COL24A1: variants seen among roughly 807,000 people sequenced by gnomAD.
The protein encoded by COL24A1 is collagen alpha-1(XXIV) chain.
A neutral mutation model predicts 253.9 loss-of-function variants in COL24A1; 224 were observed. That is an observed-to-expected ratio of 0.88 (90% CI 0.79 to 0.99). COL24A1 has a LOEUF of 0.99. Among genes scored for constraint, COL24A1 ranks in the 50% least tolerant of loss-of-function variants. The probability of loss-of-function intolerance (pLI) is 0.00; values close to 1 mark genes in which losing one functional copy is unlikely to be tolerated. For synonymous variants in COL24A1, 685 were observed against 673.7 expected (o/e 1.02, Z -0.26); for missense variants, 2,131 against 2,068.5 (o/e 1.03, Z -0.59).
At chr1:85,859,299 TG>T (rs1412465269) in intron 37 of COL24A1, among the ~76,000 whole-genome samples, 1 of 152,202 alleles carries the variant, frequency 6.6e-6, no homozygotes, top group African/African-American at 2.4e-5. Context: ...GGTATTCACT[TG>T]TAAGAAAATA....
chr1:85,945,018 T>TTTTTTTTTTTTTTTTG (rs1689173945), intron 24 of COL24A1, among the ~76,000 whole-genome samples: 6 of 86,846 alleles, frequency 6.9e-5, no homozygotes, highest in Middle Eastern at 5.8e-3. Context: ...TTTTTTTTTT[T>TTTTTTTTTTTTTTTTG]TTTTTTTTTT....
intron 47 of COL24A1, among the ~76,000 whole-genome samples, chr1:85,805,306 C>A (rs977119961): frequency 3.3e-5 from 5 of 152,006 alleles, no homozygotes; most frequent in African/African-American, 4.8e-5. Flanking sequence ...ATAAATGAAT[C>A]TAAGGAAAGA....
chr1:85,971,219 T>C, intron 21 of COL24A1, 121 bp downstream of exon 21: 1 of 755,214 alleles, frequency 1.3e-6, no homozygotes, highest in Non-Finnish European at 2.2e-6. Context: ...AATATATAAA[T>C]AAAATGGTAA....
intron 24 of COL24A1, among the ~76,000 whole-genome samples, chr1:85,916,894 A>G (rs2102976679): frequency 6.6e-6 from 1 of 152,336 alleles, no homozygotes; most frequent in African/African-American, 2.4e-5. Flanking sequence ...CAGCACTTCT[A>G]GTTGTTCACA....
At chr1:86,068,774 A>T (rs925696869) in intron 7 of COL24A1, among the ~76,000 whole-genome samples, 27 of 152,062 alleles carry the variant, frequency 1.8e-4, no homozygotes, top group African/African-American at 6.5e-4. Context: ...GGCATCTTGG[A>T]TACCAGCTCA....
At chr1:85,781,412 T>C (rs911092566) in intron 51 of COL24A1, 139 bp from the exon 52 acceptor site, 5 of 502,032 alleles carry the variant, frequency 1.0e-5, no homozygotes, top group Non-Finnish European at 3.4e-6. Flanking sequence ...AGTATTAGCA[T>C]AAATTACAAT....
intron 19 of COL24A1, among the ~76,000 whole-genome samples, chr1:86,000,885 C>T (rs1695326265): frequency 2.0e-5 from 3 of 152,080 alleles, no homozygotes; most frequent in Non-Finnish European, 2.9e-5. Context: ...ACATTCCAAC[C>T]ATCCTGCTAC....
At chr1:85,957,424 A>C (rs1223257105) in intron 24 of COL24A1, among the ~76,000 whole-genome samples, 1 of 152,208 alleles carries the variant, frequency 6.6e-6, no homozygotes, top group East Asian at 1.9e-4. Context: ...TGAGAGGAAG[A>C]CTAGAAACAT....
intron 2 of COL24A1, among the ~76,000 whole-genome samples, chr1:86,144,928 T>A (rs980779208): frequency 6.6e-6 from 1 of 152,056 alleles, no homozygotes; most frequent in Non-Finnish European, 1.5e-5. Context: ...GAGAGAGAGT[T>A]TTTCTCCTCT....
chr1:85,873,126 C>T (rs1394047669), intron 35 of COL24A1, among the ~76,000 whole-genome samples: 1 of 152,136 alleles, frequency 6.6e-6, no homozygotes, highest in Non-Finnish European at 1.5e-5. Context: ...AAATCAAAAC[C>T]ACAATGAGAT....
intron 24 of COL24A1, among the ~76,000 whole-genome samples, chr1:85,945,019 T>TTGTTTTG (rs1553237049): frequency 1.4e-5 from 1 of 73,362 alleles, no homozygotes; most frequent in East Asian, 6.0e-4. Context: ...TTTTTTTTTT[T>TTGTTTTG]TTTTTTTTTT....
intron 53 of COL24A1, among the ~76,000 whole-genome samples, chr1:85,763,967 T>C (rs1667102211): frequency 1.3e-5 from 2 of 152,236 alleles, no homozygotes; most frequent in South Asian, 2.1e-4. Context: ...TAAAAATACG[T>C]GTAAGTGCAT....
At chr1:85,982,202 G>T (rs80255601) in intron 20 of COL24A1, among the ~76,000 whole-genome samples, 2,188 of 152,156 alleles carry the variant, frequency 0.014, 27 homozygotes, top group Non-Finnish European at 0.023. Context: ...ATCTATAGGC[G>T]GTATGTAAAG....
rs1247388506 is a variant in COL24A1, at chr1:85,827,246, T to G, written c.3682-3508A>C. On this transcript the variant is annotated intron_variant, in intron 43 of 59. Transcript: ENST00000370571. ...ATTACATTTATTGAATTGCGTATATTGAACCAGCCTTGCATCCCAGGGATG... is the reference window on the plus strand; with the variant it reads ...ATTACATTTATTGAATTGCGTATATGGAACCAGCCTTGCATCCCAGGGATG... Among the ~76,000 whole-genome samples, 5 of 151,804 alleles carry G rather than the reference T, an allele frequency of 3.3e-5. 1 individual carries two copies. In the Middle Eastern group the frequency reaches 9.5e-3, roughly 288 times the overall value.
Position 85,868,503 on chromosome 1 carries a change from A to G in COL24A1, c.3300+16T>C, listed in dbSNP as rs769714108. On this transcript the variant is annotated intron_variant, in intron 37 of 59. Transcript: ENST00000370571. ...GAATTCACTTAGTATTTGAAAGTGA[A>G]CCCAGCAGTACTTACCGGAAGGCCT... The G allele has an allele frequency of 6.3e-7, 1 of 1,589,144 alleles. No homozygotes were observed. Among genetic ancestry groups the G allele is most frequent in the Non-Finnish European group, 8.6e-7 (1 of 1,158,192 alleles).
At chr1:85,922,103 G>C (rs1686581611) in intron 24 of COL24A1, among the ~76,000 whole-genome samples, 1 of 151,962 alleles carries the variant, frequency 6.6e-6, no homozygotes, top group African/African-American at 2.4e-5. Flanking sequence ...TAAAGCAAGA[G>C]GAGAAGTTTA....
intron 43 of COL24A1, 67 bp downstream of exon 43, chr1:85,838,518 A>G: frequency 2.1e-6 from 3 of 1,415,814 alleles, no homozygotes; most frequent in Middle Eastern, 1.8e-4. Context: ...ATGGAATGGA[A>G]AAAATGGAAT....
chr1:85,731,356 G>A (rs927881990), intron 59 of COL24A1, among the ~76,000 whole-genome samples: 2 of 152,120 alleles, frequency 1.3e-5, no homozygotes, highest in Non-Finnish European at 2.9e-5. Flanking sequence ...TTATTTAGGA[G>A]CTAATTCACT....
Position 85,870,454 on chromosome 1 carries a change from A to T in COL24A1, c.3139-1619T>A, listed in dbSNP as rs191720146. Among the ~76,000 whole-genome samples, 23 of 152,228 alleles carry T rather than the reference A, an allele frequency of 1.5e-4. No individual in the cohort carries two copies. The East Asian group carries it at 2.9e-3, about 19-fold the overall frequency. ...TTGACCACATAGTTGGAAGTAAAGC[A>T]CTCCTCAGCAAGTGTAAAAGAACAG... On this transcript the variant is annotated intron_variant, in intron 35 of 59. Transcript: ENST00000370571.
Sources: gnomAD v4.1 joint callset for allele counts (sites outside exome capture counted in the v4.1 genomes callset) on GRCh38, gnomAD v4.1.1 for gene constraint, MANE v1.5 for transcripts, NCBI Gene and HGNC (gene_info 2026-07-23, HGNC 2026-07-21) for gene names.